The following TBX21 variants were observed in gnomAD, a reference collection of about 807,000 sequenced individuals.
TBX21 encodes the protein T-box transcription factor TBX21.
Under a neutral mutation model 52.2 loss-of-function variants are expected in TBX21, and 11 were observed. That is an observed-to-expected ratio of 0.21 (90% CI 0.13 to 0.35). The LOEUF is 0.35. Ranked by LOEUF, TBX21 falls within the 10% of genes least tolerant of loss-of-function variation. The pLI, the probability that TBX21 is intolerant of heterozygous loss-of-function variation, is 1.00. For missense variants in TBX21, 625 were observed against 755.1 expected (o/e 0.83, Z 2.02); for synonymous variants, 300 against 316.1 (o/e 0.95, Z 0.54).
At chr17:47,744,684 A>G in intron 5 of TBX21, 64 bp from the exon 6 acceptor site, 1 of 1,596,632 alleles carries the variant, frequency 6.3e-7, no homozygotes, top group Non-Finnish European at 8.5e-7. Flanking sequence ...TGTGTGAAAC[A>G]GGTAGGCTCA....
At chr17:47,739,422 T>C (rs925341530) in intron 1 of TBX21, among the ~76,000 whole-genome samples, 2 of 151,922 alleles carry the variant, frequency 1.3e-5, no homozygotes, top group African/African-American at 2.4e-5. Flanking sequence ...GCCCAGGCAT[T>C]TGAGCAGAGC....
chr17:47,740,943 C>T (rs1373844609), intron 1 of TBX21, among the ~76,000 whole-genome samples: 2 of 152,300 alleles, frequency 1.3e-5, no homozygotes, highest in Middle Eastern at 3.4e-3. Flanking sequence ...ACCCTCCCTC[C>T]TCCAGGTTTC....
At position 47,744,926 on chromosome 17, in the gene TBX21, C is replaced by G. The variant is rs749259791; in HGVS notation, c.1168C>G (p.Pro390Ala). The part of the protein sequence containing the change: ...VVPQAYWLGA[P>A]RDHSYEAEFR... The stretch of plus-strand genomic sequence containing the variant: ...TCCCCAGGCTTACTGGCTGGGGGCC[C>G]CCCGGGACCACAGCTATGAGGCTGA... The change falls in exon 6 of 6, where the codon CCC (proline) becomes GCC (alanine). Residue 390 changes from proline to alanine, a missense_variant. Physicochemically the swap from Pro to Ala is conservative, Grantham distance 27. Coordinates refer to ENST00000177694, the MANE Select transcript of TBX21 (RefSeq NM_013351.2). 22 of 1,614,042 alleles carry G rather than the reference C, an allele frequency of 1.4e-5. No homozygotes were observed. Among genetic ancestry groups the G allele is most frequent in the Non-Finnish European group, 1.6e-5 (19 of 1,180,026 alleles).
chr17:47,737,243 C>G (rs2032217139), intron 1 of TBX21, among the ~76,000 whole-genome samples: 1 of 151,658 alleles, frequency 6.6e-6, no homozygotes, highest in Admixed American at 6.6e-5. Context: ...AATGTGTTGG[C>G]GAGTATATAA....
chr17:47,745,391 G>A lies in TBX21; in HGVS notation c.*25G>A. ...AGCAGATGACATGATGAAAGGAACA[G>A]AAACAGTGTTATTAGGTTGGAGGAC... is the stretch of plus-strand genomic sequence containing the variant. On this transcript the variant is annotated 3_prime_UTR_variant, in exon 6 of 6. Transcript: ENST00000177694. The A allele has an allele frequency of 1.9e-6, 3 of 1,564,088 alleles. No individual in the cohort carries two copies. Among genetic ancestry groups the A allele is most frequent in the Non-Finnish European group, 1.7e-6 (2 of 1,157,176 alleles).
Position 47,742,823 on chromosome 17 carries a change from G to A in TBX21, c.646+59G>A. On this transcript the variant is annotated intron_variant, in intron 2 of 5. Coordinates refer to ENST00000177694, the MANE Select transcript of TBX21 (RefSeq NM_013351.2). The surrounding 1 kb of genome is among the most constrained non-coding windows in gnomAD (Gnocchi z 4.4). Reference sequence around the variant, plus strand: ...TCGCTGGGACTGGGCGCCCCCTGGTGGGCCCACCAAGCCCCTACCCCTAAT... The same window carrying A: ...TCGCTGGGACTGGGCGCCCCCTGGTAGGCCCACCAAGCCCCTACCCCTAAT... 6.6e-7 allele frequency: 1 copy of A among 1,513,190 alleles called. No individual in the cohort carries two copies. The highest frequency in any genetic ancestry group is 8.9e-7 in the Non-Finnish European group (1 of 1,128,758). The allele number at this position is 1,513,190 out of a possible 1,614,324, so 93.7% of individuals were successfully genotyped here.
Position 47,742,675 on chromosome 17 carries a change from T to C in TBX21, c.557T>C (p.Phe186Ser), listed in dbSNP as rs1164985656. The C allele has an allele frequency of 1.2e-6, 2 of 1,603,816 alleles. No individual in the cohort carries two copies. Among genetic ancestry groups the C allele is most frequent in the South Asian group, 1.1e-5 (1 of 88,532 alleles). Residue 186 changes from phenylalanine (F) to serine (S), a missense_variant, in exon 2 of 6, where the codon TTT (phenylalanine) becomes TCT (serine). This residue lies in a region of TBX21 where 142 missense variants were observed against 258.5 expected (regional missense o/e 0.55). Transcript: ENST00000177694. The surrounding 1 kb of genome is among the most constrained non-coding windows in gnomAD (Gnocchi z 4.4). ...GAGCCCACCAGCCACTACAGGATGT[T>C]TGTGGACGTGGTCTTGGTGGACCAG... ...GLEPTSHYRM[F>S]VDVVLVDQHH...
chr17:47,744,711 C>T, intron 5 of TBX21, 37 bp from the exon 6 acceptor site: 1 of 1,599,832 alleles, frequency 6.3e-7, no homozygotes, highest in South Asian at 1.1e-5. Context: ...ACTGGTTCTG[C>T]TTGTGACCCG....
Position 47,744,360 on chromosome 17 carries a change from GC to G in TBX21, c.927+8del. On this transcript the variant is annotated splice_region_variant and intron_variant, in intron 4 of 5. Transcript: ENST00000177694. ...TGCCTACCAGAATGCCGAGGTGAGG[GC>G]TGCCTGAGCCCCGGTGGGGAGGAGG... is the stretch of plus-strand genomic sequence containing the variant. 1 of 1,614,196 alleles carries G rather than the reference GC, an allele frequency of 6.2e-7. No individual in the cohort carries two copies. The highest frequency in any genetic ancestry group is 8.5e-7 in the Non-Finnish European group (1 of 1,180,026).
rs1350980243 is a variant in TBX21 at position 47,744,465 on chromosome 17, A to G, written c.928-17A>G. On this transcript the variant is annotated splice_polypyrimidine_tract_variant and intron_variant, in intron 4 of 5. Transcript: ENST00000177694. ...CCAGACTCAGGACTCAGGTGACTCT[A>G]TTTCCCTTCTCTCTAGATTACTCAG... The G allele has an allele frequency of 3.1e-6, 5 of 1,613,584 alleles. No individual in the cohort carries two copies. Among genetic ancestry groups the G allele is most frequent in the Middle Eastern group, 1.6e-4 (1 of 6,062 alleles).
Position 47,733,544 on chromosome 17 carries a change from C to T in TBX21, c.90C>T (p.Asp30=), listed in dbSNP as rs771127193. Residue 30 remains aspartate, a synonymous_variant, in exon 1 of 6, where the codon GAC becomes GAT. Transcript: ENST00000177694. This position sits in a 1 kb window ranked among gnomAD's most constrained non-coding sequence, Gnocchi z 6.6. ...ACGAGGGCCGGGCGCCTGGCGCCGACCCGCAGCACCGCTACTTCTACCCGG... is the reference window on the plus strand; with the variant it reads ...ACGAGGGCCGGGCGCCTGGCGCCGATCCGCAGCACCGCTACTTCTACCCGG... ...GSDEGRAPGA[D]PQHRYFYPEP... is the part of the protein sequence containing the mutation. 2 of 1,490,110 alleles carry T rather than the reference C, an allele frequency of 1.3e-6. No individual in the cohort carries two copies. The highest frequency in any genetic ancestry group is 1.8e-6 in the Non-Finnish European group (2 of 1,126,838). The allele number at this position is 1,490,110 out of a possible 1,614,324, so 92.3% of individuals were successfully genotyped here. A position where few individuals can be genotyped will look rare whatever the true frequency, so the allele number is the denominator to read the frequency against.
rs764732178 is a variant in TBX21, at chr17:47,733,961, C to T, written c.491+16C>T. ...AGCAGGGACGGTGAGTGCGGCGCGC[C>T]GGCCCTTGGGGCCTCTGTGCCCGCG... On this transcript the variant is annotated intron_variant, in intron 1 of 5. Coordinates refer to ENST00000177694, the MANE Select transcript of TBX21 (RefSeq NM_013351.2). This position sits in a 1 kb window ranked among gnomAD's most constrained non-coding sequence, Gnocchi z 6.6. The T allele has an allele frequency of 1.9e-6, 3 of 1,612,648 alleles. No individual in the cohort carries two copies. The highest frequency in any genetic ancestry group is 2.5e-6 in the Non-Finnish European group (3 of 1,179,438).
At chr17:47,743,259 C>T in intron 3 of TBX21, 67 bp downstream of exon 3, 3 of 1,589,100 alleles carry the variant, frequency 1.9e-6, no homozygotes, top group Non-Finnish European at 2.6e-6. Context: ...CCTCCAAGGC[C>T]ACAAGGGTCC....
chr17:47,738,604 A>ATTT (rs201288149), intron 1 of TBX21, among the ~76,000 whole-genome samples: 5,675 of 141,626 alleles, frequency 0.04, 157 homozygotes, highest in Middle Eastern at 0.12. Flanking sequence ...ATATTATCAC[A>ATTT]TTTTTTTTTT....
chr17:47,742,481 T>G lies in TBX21; in HGVS notation c.492-129T>G, dbSNP rs2032277013. On this transcript the variant is annotated intron_variant, in intron 1 of 5. Transcript: ENST00000177694. The surrounding 1 kb of genome is among the most constrained non-coding windows in gnomAD (Gnocchi z 4.4). The stretch of plus-strand genomic sequence containing the variant: ...TGGCTGGCAAACTCCCTAAACACCT[T>G]CCAGCTGGTTCTTGTGAGTGGGAGG... 3 of 1,154,208 alleles carry G rather than the reference T, an allele frequency of 2.6e-6. No individual in the cohort carries two copies. Among genetic ancestry groups the G allele is most frequent in the Non-Finnish European group, 3.6e-6 (3 of 839,088 alleles). 71.5% of individuals were successfully genotyped at this position (1,154,208 alleles called of 1,614,324 possible). A position where few individuals can be genotyped will look rare whatever the true frequency, so the allele number is the denominator to read the frequency against.
chr17:47,740,480 T>C (rs1414224297), intron 1 of TBX21, among the ~76,000 whole-genome samples: 1 of 152,054 alleles, frequency 6.6e-6, no homozygotes, highest in East Asian at 1.9e-4. Flanking sequence ...ATGTCTATAA[T>C]CCCAGCACTT....
chr17:47,739,178 C>T (rs1395034422), intron 1 of TBX21, among the ~76,000 whole-genome samples: 2 of 152,162 alleles, frequency 1.3e-5, no homozygotes, highest in Non-Finnish European at 2.9e-5. Context: ...CTCTCGGTTC[C>T]TTCCCAGCAA....
Position 47,744,864 on chromosome 17 carries a change from T to G in TBX21, c.1106T>G (p.Phe369Cys). 6.2e-7 allele frequency: 1 copy of G among 1,614,198 alleles called. No homozygotes were observed. The highest frequency in any genetic ancestry group is 1.1e-5 in the South Asian group (1 of 91,084). ...AACCAGTATCCTGTTCCCAGCCGCTTCTACCCCGACCTTCCTGGCCAGGCG... is the reference window on the plus strand; with the variant it reads ...AACCAGTATCCTGTTCCCAGCCGCTGCTACCCCGACCTTCCTGGCCAGGCG... ...LPNQYPVPSRFYPDLPGQAKD... is the reference protein window; with the variant it reads ...LPNQYPVPSRCYPDLPGQAKD... The change falls in exon 6 of 6, where the codon TTC becomes TGC. Residue 369 changes from phenylalanine (F) to cysteine (C), a missense_variant. This residue lies in a region of TBX21 where 261 missense variants were observed against 275.1 expected (regional missense o/e 0.95). Coordinates refer to ENST00000177694, the MANE Select transcript of TBX21 (RefSeq NM_013351.2).
chr17:47,739,649 C>T (rs1295648285), intron 1 of TBX21, among the ~76,000 whole-genome samples: 1 of 151,912 alleles, frequency 6.6e-6, no homozygotes, highest in Non-Finnish European at 1.5e-5. Flanking sequence ...GTCCCAGCTA[C>T]TCGGGAGGCT....
Sources: gnomAD v4.1 joint callset for allele counts (sites outside exome capture counted in the v4.1 genomes callset) on GRCh38, gnomAD v4.1.1 for gene constraint, gnomAD v4.1.1 regional missense constraint, Gnocchi (gnomAD v3.1) non-coding constraint, MANE v1.5 for transcripts, NCBI Gene and HGNC (gene_info 2026-07-23, HGNC 2026-07-21) for gene names.